MGRN1: variants seen among roughly 807,000 people sequenced by gnomAD.
MGRN1 encodes E3 ubiquitin-protein ligase MGRN1.
Under a neutral mutation model 69.2 loss-of-function variants are expected in MGRN1, and 29 were observed. The ratio of observed to expected loss-of-function variants is 0.42; its 90% CI spans 0.31 to 0.57. The LOEUF is 0.57. Among genes scored for constraint, MGRN1 ranks in the 20% least tolerant of loss-of-function variants. The probability of loss-of-function intolerance (pLI) is 0.15; values close to 1 mark genes in which losing one functional copy is unlikely to be tolerated. For missense variants in MGRN1, 998 were observed against 796.2 expected (o/e 1.25, Z -3.05); for synonymous variants, 470 against 344.2 (o/e 1.37, Z -4.04).
intron 1 of MGRN1, among the ~76,000 whole-genome samples, chr16:4,645,395 T>C (rs952370937): frequency 1.4e-4 from 22 of 152,174 alleles, no homozygotes; most frequent in Admixed American, 2.6e-4. Flanking sequence ...TCTTGAACTC[T>C]GGGGCTCGAG....
At chr16:4,629,661 C>A (rs576187303) in intron 1 of MGRN1, among the ~76,000 whole-genome samples, 2 of 151,796 alleles carry the variant, frequency 1.3e-5, no homozygotes, top group South Asian at 4.2e-4. Flanking sequence ...ATTGTTTGAA[C>A]CCGGGAGGCG....
At position 4,689,474 on chromosome 16, in the gene MGRN1, G is replaced by C. The variant is rs771440859; in HGVS notation, c.*566G>C. ...TCAGTGCCCTCCCTGGTGCGTCTGC[G>C]CTGGGGCCCTCAGTGCTCGGGGCCT... On this transcript the variant is annotated 3_prime_UTR_variant, in exon 17 of 17. Transcript: ENST00000262370. 2 of 153,044 alleles carry C rather than the reference G, an allele frequency of 1.3e-5. No individual in the cohort carries two copies. The highest frequency in any genetic ancestry group is 1.3e-4 in the Admixed American group (2 of 15,314). 9.5% of individuals were successfully genotyped at this position (153,044 alleles called of 1,614,324 possible).
chr16:4,670,923 A>G (rs1218569196), intron 8 of MGRN1, among the ~76,000 whole-genome samples: 1 of 152,202 alleles, frequency 6.6e-6, no homozygotes, highest in Non-Finnish European at 1.5e-5. Context: ...TTTGGTTGCA[A>G]GTGGGTGGCA....
intron 10 of MGRN1, among the ~76,000 whole-genome samples, chr16:4,675,331 G>T (rs112390503): frequency 1.2e-4 from 18 of 152,134 alleles, no homozygotes; most frequent in African/African-American, 4.3e-4. Context: ...GCCTGGTCTC[G>T]AACTCTTGGG....
At chr16:4,635,636 T>G (rs1248116567) in intron 1 of MGRN1, among the ~76,000 whole-genome samples, 1 of 150,894 alleles carries the variant, frequency 6.6e-6, no homozygotes, top group Non-Finnish European at 1.5e-5. Flanking sequence ...CCAGCTAACT[T>G]TTTTTTCTTT....
intron 10 of MGRN1, 144 bp from the exon 11 acceptor site, chr16:4,677,319 A>G (rs1410343681): frequency 2.1e-6 from 1 of 478,454 alleles, no homozygotes. Context: ...ACTAAAAGAA[A>G]AAAAAAAGAC....
At chr16:4,681,483 CAGG>C (rs2079181044) in intron 12 of MGRN1, 64 bp from the exon 13 acceptor site, 16 of 1,463,084 alleles carry the variant, frequency 1.1e-5, no homozygotes, top group Middle Eastern at 1.8e-4. Flanking sequence ...AGGAGGTCAT[CAGG>C]AGGAGCGTCT....
At chr16:4,688,750 A>C in intron 16 of MGRN1, 46 bp from the exon 17 acceptor site, 1 of 1,510,604 alleles carries the variant, frequency 6.6e-7, no homozygotes. Context: ...GTGGCGTGGC[A>C]CCAGGCATCC....
chr16:4,656,446 T>G (rs936338108), intron 4 of MGRN1, among the ~76,000 whole-genome samples: 4 of 152,242 alleles, frequency 2.6e-5, no homozygotes, highest in Admixed American at 6.5e-5. Flanking sequence ...CCGCGCTGCA[T>G]GTGGGCACCA....
intron 8 of MGRN1, 106 bp downstream of exon 8, chr16:4,668,418 T>A: frequency 8.3e-7 from 1 of 1,202,862 alleles, no homozygotes; most frequent in South Asian, 1.3e-5. Flanking sequence ...CACGCACATA[T>A]ACTCATACAC....
chr16:4,667,063 C>T (rs913098032), intron 7 of MGRN1, among the ~76,000 whole-genome samples: 3 of 152,234 alleles, frequency 2.0e-5, no homozygotes, highest in African/African-American at 7.2e-5. Context: ...GTCTGCGTGG[C>T]ACCATCCTGC....
intron 15 of MGRN1, 119 bp downstream of exon 15, chr16:4,683,388 G>T (rs1014703926): frequency 1.7e-6 from 2 of 1,198,652 alleles, no homozygotes; most frequent in Non-Finnish European, 1.2e-6. Flanking sequence ...AGGAACCCTC[G>T]GCCAAGAGGC....
At chr16:4,661,231 G>A (rs1185392247) in intron 5 of MGRN1, among the ~76,000 whole-genome samples, 2 of 151,724 alleles carry the variant, frequency 1.3e-5, no homozygotes, top group Non-Finnish European at 2.9e-5. Flanking sequence ...CTCGTACCTC[G>A]GCCTCCCAGA....
At chr16:4,627,509 C>T (rs1400671895) in intron 1 of MGRN1, among the ~76,000 whole-genome samples, 2 of 152,208 alleles carry the variant, frequency 1.3e-5, no homozygotes, top group East Asian at 3.8e-4. Context: ...GTCGTCTGGC[C>T]AGGCGCGGTG....
At chr16:4,644,678 A>G (rs1188306506) in intron 1 of MGRN1, among the ~76,000 whole-genome samples, 1 of 152,236 alleles carries the variant, frequency 6.6e-6, no homozygotes, top group Non-Finnish European at 1.5e-5. Context: ...TTTATGTAAC[A>G]ATAGCATCTA....
At chr16:4,647,209 G>A (rs1264592585) in intron 1 of MGRN1, among the ~76,000 whole-genome samples, 1 of 152,242 alleles carries the variant, frequency 6.6e-6, no homozygotes, top group Non-Finnish European at 1.5e-5. Context: ...CATCTTGGAG[G>A]AGCAGGCAGG....
At chr16:4,659,424 G>A (rs2078626105) in intron 5 of MGRN1, among the ~76,000 whole-genome samples, 1 of 152,184 alleles carries the variant, frequency 6.6e-6, no homozygotes, top group Non-Finnish European at 1.5e-5. Flanking sequence ...TCCGAGCCCT[G>A]TGAGCCATGG....
chr16:4,637,870 C>G (rs745331975), intron 1 of MGRN1, among the ~76,000 whole-genome samples: 21 of 152,234 alleles, frequency 1.4e-4, no homozygotes, highest in Non-Finnish European at 2.5e-4. Flanking sequence ...GGGGGCCACC[C>G]TGAGGGTGGT....
chr16:4,686,861 T>G, intron 16 of MGRN1: 1 of 985,660 alleles, frequency 1.0e-6, no homozygotes, highest in Non-Finnish European at 1.2e-6. Flanking sequence ...GGGGAAAGAA[T>G]GCGCCCCGAT....
Sources: allele counts gnomAD v4.1 joint callset (sites outside exome capture counted in the v4.1 genomes callset), GRCh38; gene constraint gnomAD v4.1.1; transcripts MANE v1.5; gene names NCBI Gene and HGNC (gene_info 2026-07-23, HGNC 2026-07-21).